The following PPFIA2 variants were observed in gnomAD, a reference collection of about 807,000 sequenced individuals.
PPFIA2 encodes the protein liprin-alpha-2.
PPFIA2 carries 46 observed loss-of-function variants against 175.5 expected under a neutral mutation model. The observed-to-expected ratio is 0.26, with a 90% CI of 0.21 to 0.34. The LOEUF is 0.34. Ranked by LOEUF, PPFIA2 falls within the 10% of genes least tolerant of loss-of-function variation. The pLI, the probability that PPFIA2 is intolerant of heterozygous loss-of-function variation, is 1.00. For missense variants in PPFIA2, 1,179 were observed against 1,506.1 expected (o/e 0.78, Z 3.60); for synonymous variants, 568 against 511.4 (o/e 1.11, Z -1.49).
At chr12:81,292,754 AC>A (rs2045388167) in intron 24 of PPFIA2, 1 of 152,034 alleles carries the variant, frequency 6.6e-6, no homozygotes, top group South Asian at 2.1e-4. Context: ...GGGGGTCAGC[AC>A]CCTTAACTCC....
chr12:81,413,098 T>C (rs574597853), intron 7 of PPFIA2, among the ~76,000 whole-genome samples: 1 of 152,010 alleles, frequency 6.6e-6, no homozygotes, highest in Non-Finnish European at 1.5e-5. Flanking sequence ...TGCAAGTGAT[T>C]ATCACAACTG....
chr12:81,654,047 A>G (rs1406250683), intron 4 of PPFIA2, among the ~76,000 whole-genome samples: 2 of 152,010 alleles, frequency 1.3e-5, no homozygotes, highest in African/African-American at 4.8e-5. Context: ...CATGGCATAT[A>G]CTCAAAAAAA....
intron 23 of PPFIA2, among the ~76,000 whole-genome samples, 161 bp from the exon 24 acceptor site, chr12:81,295,196 AT>A (rs1286932533): frequency 6.6e-6 from 1 of 152,190 alleles, no homozygotes; most frequent in Non-Finnish European, 1.5e-5. Context: ...GCACAAAGAA[AT>A]TAAATGATGT....
chr12:81,262,169 A>G (rs2035802289), intron 31 of PPFIA2, 129 bp from the exon 32 acceptor site: 2 of 655,938 alleles, frequency 3.0e-6, no homozygotes, highest in Non-Finnish European at 2.7e-6. Context: ...TCTCAGATAT[A>G]AGCCACTCAC....
chr12:81,272,258 G>A (rs565890170), intron 28 of PPFIA2, among the ~76,000 whole-genome samples: 2 of 151,380 alleles, frequency 1.3e-5, no homozygotes, highest in Admixed American at 1.3e-4. Context: ...TGAGTCTGTG[G>A]TTTATCATTT....
intron 4 of PPFIA2, among the ~76,000 whole-genome samples, chr12:81,480,115 C>CT (rs1411807929): frequency 1.3e-5 from 2 of 152,028 alleles, no homozygotes; most frequent in African/African-American, 2.4e-5. Context: ...GCTTTTCTTT[C>CT]TTTTTTTCTC....
intron 4 of PPFIA2, among the ~76,000 whole-genome samples, chr12:81,459,057 A>G (rs1224766005): frequency 6.6e-6 from 1 of 152,142 alleles, no homozygotes; most frequent in Non-Finnish European, 1.5e-5. Context: ...GCTTCAAATC[A>G]TTTATTTTGC....
At chr12:81,390,333 T>C (rs2039885370) in intron 8 of PPFIA2, among the ~76,000 whole-genome samples, 1 of 152,074 alleles carries the variant, frequency 6.6e-6, no homozygotes, top group Non-Finnish European at 1.5e-5. Flanking sequence ...ATGACAATTC[T>C]ATCTTTAACA....
In PPFIA2 at chr12:81,350,016, T is replaced by C. The variant is rs79698614; in HGVS notation, c.1995-2246A>G. ...AAATGTGATATAATCTCATTTCATGTATTTTTAAAATCTTACAAATAAACA... is the reference window on the plus strand; with the variant it reads ...AAATGTGATATAATCTCATTTCATGCATTTTTAAAATCTTACAAATAAACA... On this transcript the variant is annotated intron_variant, in intron 17 of 32. Transcript: ENST00000549396. Among the ~76,000 whole-genome samples the C allele has an allele frequency of 2.7e-3, 413 of 152,318 alleles. 5 individuals carry two copies. The highest frequency in any genetic ancestry group is 9.5e-3 in the African/African-American group (397 of 41,592).
At chr12:81,546,106 A>G (rs2066942897) in intron 4 of PPFIA2, 1 of 142,978 alleles carries the variant, frequency 7.0e-6, no homozygotes, top group African/African-American at 2.7e-5. Flanking sequence ...CCTGGGCAAC[A>G]GAGTGAGACT....
intron 4 of PPFIA2, among the ~76,000 whole-genome samples, chr12:81,640,562 T>C (rs2064825575): frequency 6.6e-6 from 1 of 152,144 alleles, no homozygotes; most frequent in Non-Finnish European, 1.5e-5. Context: ...TATGGGGATC[T>C]TTATCTATGA....
intron 23 of PPFIA2, chr12:81,297,970 C>T (rs1320283038): frequency 1.3e-5 from 2 of 152,178 alleles, no homozygotes; most frequent in Non-Finnish European, 2.9e-5. Context: ...TCTGTGTACT[C>T]AGAATAGGTT....
At chr12:81,363,623 C>CA (rs1274406633) in intron 14 of PPFIA2, among the ~76,000 whole-genome samples, 2 of 151,664 alleles carry the variant, frequency 1.3e-5, no homozygotes, top group Admixed American at 6.6e-5. Flanking sequence ...TTACTTTACT[C>CA]AAACTTTTCT....
chr12:81,605,051 C>CA (rs1444486172), intron 4 of PPFIA2, among the ~76,000 whole-genome samples: 4 of 151,750 alleles, frequency 2.6e-5, no homozygotes, highest in Admixed American at 2.6e-4. Flanking sequence ...ATCAATGTTC[C>CA]AAAAATACTT....
chr12:81,374,603 T>C (rs768057854), intron 11 of PPFIA2, 31 bp downstream of exon 11: 3 of 1,572,844 alleles, frequency 1.9e-6, no homozygotes, highest in African/African-American at 1.4e-5. Context: ...TACAAATATA[T>C]CTAGGTTGAC....
chr12:81,292,735 CTG>C (rs1353282119), intron 24 of PPFIA2: 1 of 151,922 alleles, frequency 6.6e-6, no homozygotes, highest in African/African-American at 2.4e-5. Flanking sequence ...GATTTTTTGA[CTG>C]TGTGTGGGGG....
At chr12:81,462,339 G>C (rs1027790939) in intron 4 of PPFIA2, among the ~76,000 whole-genome samples, 1 of 136,994 alleles carries the variant, frequency 7.3e-6, no homozygotes. Context: ...ATGTCATTTT[G>C]CTCTTTGTAG....
intron 4 of PPFIA2, among the ~76,000 whole-genome samples, chr12:81,613,841 TTTAATA>T (rs776513728): frequency 1.3e-5 from 2 of 152,130 alleles, no homozygotes; most frequent in Non-Finnish European, 2.9e-5. Flanking sequence ...TGAGTTGCAT[TTTAATA>T]TTAATTATCT....
chr12:81,423,950 A>T (rs1353158131), intron 7 of PPFIA2, among the ~76,000 whole-genome samples: 1 of 152,074 alleles, frequency 6.6e-6, no homozygotes, highest in Non-Finnish European at 1.5e-5. Flanking sequence ...CCACACACAA[A>T]CAACAATATA....
Sources: allele counts gnomAD v4.1 joint callset (sites outside exome capture counted in the v4.1 genomes callset), GRCh38; gene constraint gnomAD v4.1.1; transcripts MANE v1.5; gene names NCBI Gene and HGNC (gene_info 2026-07-23, HGNC 2026-07-21).